The following FRAS1 variants were observed in gnomAD, a reference collection of about 807,000 sequenced individuals.
The protein encoded by FRAS1 is extracellular matrix organizing protein FRAS1.
FRAS1 carries 290 observed loss-of-function variants against 435.2 expected under a neutral mutation model. The observed-to-expected ratio is 0.67, with a 90% CI of 0.61 to 0.73. The LOEUF (loss-of-function observed/expected upper bound fraction) is 0.73. Among genes scored for constraint, FRAS1 ranks in the 30% least tolerant of loss-of-function variants. FRAS1 has a pLI of 0.00. For missense variants in FRAS1, 4,860 were observed against 5,001.5 expected (o/e 0.97, Z 0.85); for synonymous variants, 1,800 against 1,851.0 (o/e 0.97, Z 0.71).
intron 2 of FRAS1, among the ~76,000 whole-genome samples, chr4:78,121,586 G>T (rs1351698705): frequency 1.3e-5 from 2 of 152,156 alleles, no homozygotes; most frequent in Non-Finnish European, 2.9e-5. Context: ...AGCCAGCCTT[G>T]CCTGGGAGCC....
At chr4:78,104,581 C>A (rs990714596) in intron 2 of FRAS1, among the ~76,000 whole-genome samples, 3 of 152,108 alleles carry the variant, frequency 2.0e-5, no homozygotes, top group African/African-American at 7.2e-5. Flanking sequence ...TTTCGTGTTG[C>A]CTGTTAATTA....
chr4:78,257,951 ATGAGAGT>A (rs1725866000), intron 6 of FRAS1, among the ~76,000 whole-genome samples: 1 of 152,196 alleles, frequency 6.6e-6, no homozygotes. Flanking sequence ...GTTCAGTCTG[ATGAGAGT>A]TCTTGAGAGA....
In FRAS1 at chr4:78,466,404, C is replaced by T; in HGVS notation, c.7226C>T (p.Pro2409Leu). 1 of 1,613,806 alleles carries T rather than the reference C, an allele frequency of 6.2e-7. No homozygotes were observed. The highest frequency in any genetic ancestry group is 1.1e-5 in the South Asian group (1 of 91,032). Residue 2409 changes from proline (P) to leucine (L), a missense_variant, in exon 50 of 74, where the codon CCC (proline) becomes CTC (leucine). By Grantham distance (98) the Pro-to-Leu change is moderately conservative. Coordinates refer to ENST00000512123, the MANE Select transcript of FRAS1 (RefSeq NM_025074.7). ...TTCACTGTTTCTGATGGGACAAACCCCTTCTTTATCATTGAGGAAGGGGGA... is the reference window on the plus strand; with the variant it reads ...TTCACTGTTTCTGATGGGACAAACCTCTTCTTTATCATTGAGGAAGGGGGA... ...FTFTVSDGTNPFFIIEEGGKE... is the reference protein window; with the variant it reads ...FTFTVSDGTNLFFIIEEGGKE...
intron 23 of FRAS1, among the ~76,000 whole-genome samples, chr4:78,371,083 G>GGTTTTTTTTTTTTTT (rs1456015210): frequency 7.8e-6 from 1 of 127,398 alleles, no homozygotes; most frequent in African/African-American, 3.2e-5. Flanking sequence ...TTTTTTTTCT[G>GGTTTTTTTTTTTTTT]TTTTTTTGTT....
intron 14 of FRAS1, among the ~76,000 whole-genome samples, chr4:78,288,309 G>T (rs13136648): frequency 0.29 from 44,455 of 152,036 alleles, 7,494 homozygotes; most frequent in East Asian, 0.38. Flanking sequence ...TCTCCTGCTA[G>T]TGCTCGTGAC....
chr4:78,492,399 A>G (rs1720377816), intron 59 of FRAS1, among the ~76,000 whole-genome samples: 2 of 152,242 alleles, frequency 1.3e-5, no homozygotes. Flanking sequence ...AAACTATACT[A>G]CAAGTCTGCA....
At chr4:78,193,192 A>G (rs1439031622) in intron 2 of FRAS1, among the ~76,000 whole-genome samples, 1 of 152,146 alleles carries the variant, frequency 6.6e-6, no homozygotes, top group Non-Finnish European at 1.5e-5. Context: ...TTTACTTCCA[A>G]GTATGTGGTC....
At chr4:78,202,414 G>A (rs1473265168) in intron 2 of FRAS1, among the ~76,000 whole-genome samples, 1 of 152,178 alleles carries the variant, frequency 6.6e-6, no homozygotes, top group African/African-American at 2.4e-5. Flanking sequence ...TTCTGGGCTG[G>A]GTGCCATGGC....
intron 52 of FRAS1, among the ~76,000 whole-genome samples, chr4:78,472,932 G>A (rs949507): frequency 0.24 from 37,133 of 151,950 alleles, 5,119 homozygotes; most frequent in South Asian, 0.52. Context: ...TTTACTCTCT[G>A]TCCTCAATTG....
intron 6 of FRAS1, among the ~76,000 whole-genome samples, chr4:78,256,452 T>G (rs1253463668): frequency 6.6e-6 from 1 of 152,136 alleles, no homozygotes; most frequent in African/African-American, 2.4e-5. Context: ...GCCTAGTCCC[T>G]TGGGGTAGGA....
In FRAS1 at chr4:78,296,074, C is replaced by CT. The variant is rs958425043; in HGVS notation, c.1534+9545dup. ...AGCCAGATATTTCCTTCTTTCTTGA[C>CT]TTTTTTTTTTCTCACTAAGCAGTGT... On this transcript the variant is annotated intron_variant, in intron 14 of 73. Coordinates refer to ENST00000512123, the MANE Select transcript of FRAS1 (RefSeq NM_025074.7). Among the ~76,000 whole-genome samples the CT allele has an allele frequency of 1.2e-4, 18 of 148,286 alleles. No homozygotes were observed. The East Asian group carries it at 1.4e-3, about 11-fold the overall frequency.
At chr4:78,381,237 C>G (rs1449885982) in intron 27 of FRAS1, among the ~76,000 whole-genome samples, 2 of 152,202 alleles carry the variant, frequency 1.3e-5, no homozygotes, top group East Asian at 3.8e-4. Context: ...GAGCTTAAAA[C>G]TCTGGTGTTT....
chr4:78,174,421 T>C (rs1721679138), intron 2 of FRAS1, among the ~76,000 whole-genome samples: 1 of 152,208 alleles, frequency 6.6e-6, no homozygotes, highest in South Asian at 2.1e-4. Context: ...TAATGAGATG[T>C]AACACTTCCT....
intron 29 of FRAS1, among the ~76,000 whole-genome samples, chr4:78,388,293 C>T (rs1194910549): frequency 6.7e-6 from 1 of 149,372 alleles, no homozygotes; most frequent in Non-Finnish European, 1.5e-5. Flanking sequence ...CCACTGCACT[C>T]CAGCCTGGGT....
At chr4:78,425,325 C>A (rs966600576) in intron 35 of FRAS1, among the ~76,000 whole-genome samples, 1 of 152,082 alleles carries the variant, frequency 6.6e-6, no homozygotes, top group African/African-American at 2.4e-5. Context: ...AGTTTTAGCT[C>A]ATAGTGCAAT....
chr4:78,249,046 C>CATATATATATA (rs1725388139), intron 4 of FRAS1, among the ~76,000 whole-genome samples: 3 of 27,188 alleles, frequency 1.1e-4, no homozygotes, highest in African/African-American at 1.7e-4. Flanking sequence ...TGAAGAACTA[C>CATATATATATA]TGATATATAT....
chr4:78,275,054 T>A (rs934447526), intron 9 of FRAS1, among the ~76,000 whole-genome samples: 12 of 152,208 alleles, frequency 7.9e-5, no homozygotes, highest in African/African-American at 2.9e-4. Flanking sequence ...AATTGATCCC[T>A]TTACCATTAT....
intron 14 of FRAS1, among the ~76,000 whole-genome samples, chr4:78,298,319 A>G (rs999626035): frequency 6.6e-6 from 1 of 151,270 alleles, no homozygotes; most frequent in Non-Finnish European, 1.5e-5. Context: ...ATGCACACAC[A>G]CCTTTTTATA....
In FRAS1 at chr4:78,387,426, G is replaced by A. The variant is rs199940702; in HGVS notation, c.3700G>A (p.Ala1234Thr). The A allele has an allele frequency of 2.7e-4, 428 of 1,613,392 alleles. No individual in the cohort carries two copies. The highest frequency in any genetic ancestry group is 1.2e-3 in the Middle Eastern group (7 of 6,058). The stretch of plus-strand genomic sequence containing the variant: ...TCTCCACATTAGCAGAGGAGAGAGG[G>A]CAACCATCACCACCCAGATGCTTGA... Reference protein sequence around the residue: ...EVLHISRGERATITTQMLDIR... With the variant: ...EVLHISRGERTTITTQMLDIR... The change falls in exon 29 of 74, where the codon GCA becomes ACA. Residue 1234 changes from alanine (A) to threonine (T), a missense_variant. Coordinates refer to ENST00000512123, the MANE Select transcript of FRAS1 (RefSeq NM_025074.7).
Sources: allele counts gnomAD v4.1 joint callset (sites outside exome capture counted in the v4.1 genomes callset), GRCh38; gene constraint gnomAD v4.1.1; transcripts MANE v1.5; gene names NCBI Gene and HGNC (gene_info 2026-07-23, HGNC 2026-07-21).